TTC28: variants seen among roughly 807,000 people sequenced by gnomAD.
The protein encoded by TTC28 is tetratricopeptide repeat domain 28.
TTC28 carries 61 observed loss-of-function variants against 198.0 expected under a neutral mutation model. The observed-to-expected ratio is 0.31, with a 90% confidence interval of 0.25 to 0.38. TTC28 has a LOEUF of 0.38. Among genes scored for constraint, TTC28 ranks in the 10% least tolerant of loss-of-function variants. TTC28 has a pLI of 1.00. For synonymous variants in TTC28, 1,171 were observed against 1,297.8 expected, an observed-to-expected ratio of 0.90 and a Z score of 2.10; for missense variants, 2,678 against 3,164.0, an observed-to-expected ratio of 0.85 and a Z score of 3.69.
At chr22:28,427,161 A>G (rs2047362459) in intron 2 of TTC28, among the ~76,000 whole-genome samples, 1 of 152,262 alleles carries the variant, frequency 6.6e-6, no homozygotes, top group Non-Finnish European at 1.5e-5. Flanking sequence ...CTCTGGGGAA[A>G]TATTAAATTC....
At chr22:28,334,080 C>G (rs940853559) in intron 2 of TTC28, among the ~76,000 whole-genome samples, 9 of 149,822 alleles carry the variant, frequency 6.0e-5, no homozygotes, top group African/African-American at 2.2e-4. Context: ...CAATTCCCAC[C>G]TATGAGTGAC....
chr22:28,321,718 A>G (rs2045448976), intron 2 of TTC28, among the ~76,000 whole-genome samples: 1 of 152,230 alleles, frequency 6.6e-6, no homozygotes, highest in Non-Finnish European at 1.5e-5. Context: ...AAAGTTTTGG[A>G]AAATAAAATA....
At chr22:28,387,619 T>TGGTGAGCA (rs2046632307) in intron 2 of TTC28, among the ~76,000 whole-genome samples, 9 of 152,208 alleles carry the variant, frequency 5.9e-5, no homozygotes, top group Admixed American at 2.0e-4. Flanking sequence ...TTCTCATGTG[T>TGGTGAGCA]TTTTTGGCTG....
intron 5 of TTC28, among the ~76,000 whole-genome samples, chr22:28,280,259 C>G (rs2044558261): frequency 6.6e-6 from 1 of 151,666 alleles, no homozygotes; most frequent in Non-Finnish European, 1.5e-5. Context: ...TCCTACAATT[C>G]AACGCTATAC....
chr22:28,170,737 T>C lies in TTC28; in HGVS notation c.934-7138A>G, dbSNP rs11913017. 8.6e-3 allele frequency among the ~76,000 whole-genome samples: 1,314 copies of C among 152,198 alleles called. 22 individuals are homozygous for C. The highest frequency in any genetic ancestry group is 0.03 in the African/African-American group (1,265 of 41,530). Reference sequence around the variant, plus strand: ...CTTATCTTTGTTCCTTCAATGCAACTTCATCAGTGTTGGTTACTCTGGAGG... The same window carrying C: ...CTTATCTTTGTTCCTTCAATGCAACCTCATCAGTGTTGGTTACTCTGGAGG... On this transcript the variant is annotated intron_variant, in intron 5 of 22. Coordinates refer to ENST00000397906, the MANE Select transcript of TTC28 (RefSeq NM_001145418.2).
At chr22:28,063,300 G>GA (rs1940621646) in intron 12 of TTC28, among the ~76,000 whole-genome samples, 1 of 152,146 alleles carries the variant, frequency 6.6e-6, no homozygotes, top group African/African-American at 2.4e-5. Flanking sequence ...TGGTTGTCCT[G>GA]AATGCTGTCA....
At chr22:28,347,823 G>A (rs2045931763) in intron 2 of TTC28, among the ~76,000 whole-genome samples, 1 of 152,206 alleles carries the variant, frequency 6.6e-6, no homozygotes, top group South Asian at 2.1e-4. Flanking sequence ...CAGTGACAGT[G>A]AGCCGAGATC....
intron 2 of TTC28, among the ~76,000 whole-genome samples, chr22:28,435,733 C>T (rs2047510461): frequency 6.6e-6 from 1 of 152,354 alleles, no homozygotes; most frequent in Admixed American, 6.5e-5. Flanking sequence ...TGACTTCCTT[C>T]ACTTCTTGTC....
intron 17 of TTC28, chr22:27,994,727 C>T (rs1418215190): frequency 2.0e-5 from 3 of 152,282 alleles, no homozygotes; most frequent in Non-Finnish European, 2.9e-5. Context: ...AAGAGGAAAC[C>T]CTTAAGTGGG....
rs2047427725 is a variant in TTC28, at chr22:28,431,419, C to T, written c.382-124776G>A. On this transcript the variant is annotated intron_variant, in intron 2 of 22. Coordinates refer to ENST00000397906, the MANE Select transcript of TTC28 (RefSeq NM_001145418.2). ...CTGGTTTTATTTAACAAAAACTGTA[C>T]AATTTCATATTAATGTTTAAAGCTC... Among the ~76,000 whole-genome samples the T allele has an allele frequency of 6.6e-5, 10 of 152,144 alleles. No individual in the cohort carries two copies. The South Asian group carries it at 1.7e-3, about 25-fold the overall frequency.
intron 5 of TTC28, among the ~76,000 whole-genome samples, chr22:28,193,467 C>T (rs1304272553): frequency 6.6e-6 from 1 of 152,098 alleles, no homozygotes; most frequent in African/African-American, 2.4e-5. Context: ...GGGCTAAATG[C>T]TCCAATTAAA....
At chr22:27,985,883 C>T (rs1225429096) in intron 21 of TTC28, 1 of 155,340 alleles carries the variant, frequency 6.4e-6, no homozygotes, top group Non-Finnish European at 1.4e-5. Flanking sequence ...GCAGTGACTT[C>T]TCTGCCTCTG....
At chr22:28,386,273 TCAA>T (rs2046587503) in intron 2 of TTC28, among the ~76,000 whole-genome samples, 1 of 17,592 alleles carries the variant, frequency 5.7e-5, no homozygotes, top group Non-Finnish European at 7.9e-5. Context: ...AGACTCCGTC[TCAA>T]AAAAAAAAAA....
chr22:28,179,179 GAC>G (rs988554059), intron 5 of TTC28, among the ~76,000 whole-genome samples: 1 of 100,444 alleles, frequency 1.0e-5, no homozygotes, highest in African/African-American at 4.2e-5. Flanking sequence ...TTTTTTTTTT[GAC>G]AGAGTCTTGC....
At position 28,199,383 on chromosome 22, in the gene TTC28, TTATATATATATATATA is replaced by T. The variant is rs34398046; in HGVS notation, c.934-35800_934-35785del. Among the ~76,000 whole-genome samples the T allele has an allele frequency of 1.4e-3, 163 of 118,498 alleles. 1 individual carries two copies. Among genetic ancestry groups the T allele is most frequent in the Middle Eastern group, 4.4e-3 (1 of 228 alleles). 77.7% of individuals were successfully genotyped at this position (118,498 alleles called of 152,430 possible). On this transcript the variant is annotated intron_variant, in intron 5 of 22. Transcript: ENST00000397906. ...AGTATAATGCCACTTACATTAAAAA[TTATATATATATATATA>T]TATATATATATATATATATATATGT...
At chr22:28,566,544 GA>G (rs1351013405) in intron 2 of TTC28, among the ~76,000 whole-genome samples, 1 of 152,124 alleles carries the variant, frequency 6.6e-6, no homozygotes, top group Non-Finnish European at 1.5e-5. Context: ...TTTGAACTTT[GA>G]ATGCTCGAAG....
At chr22:28,530,641 A>G (rs370246306) in intron 2 of TTC28, among the ~76,000 whole-genome samples, 3 of 152,294 alleles carry the variant, frequency 2.0e-5, no homozygotes, top group East Asian at 3.9e-4. Flanking sequence ...AGGAAAAAAT[A>G]TTAAGGGCAG....
chr22:28,033,512 T>C (rs1424640867), intron 12 of TTC28, among the ~76,000 whole-genome samples: 1 of 152,186 alleles, frequency 6.6e-6, no homozygotes, highest in Non-Finnish European at 1.5e-5. Flanking sequence ...GGTCACATTG[T>C]AGCTGCCTTC....
intron 14 of TTC28, among the ~76,000 whole-genome samples, chr22:28,003,699 C>G (rs192016185): frequency 1.3e-5 from 2 of 152,246 alleles, no homozygotes; most frequent in African/African-American, 4.8e-5. Context: ...CTGGAATCCA[C>G]GCAGAGCAAA....
Sources: gnomAD v4.1 joint callset for allele counts (sites outside exome capture counted in the v4.1 genomes callset) on GRCh38, gnomAD v4.1.1 for gene constraint, MANE v1.5 for transcripts, NCBI Gene and HGNC (gene_info 2026-07-23, HGNC 2026-07-21) for gene names.